Variants in LCLAT1 observed in about 807,000 individuals in gnomAD.
LCLAT1 encodes the protein lysocardiolipin acyltransferase 1.
In LCLAT1, 11 loss-of-function variants were observed where a neutral mutation model predicts 30.7. The observed-to-expected ratio is 0.36, with a 90% CI of 0.23 to 0.59. LCLAT1 has a LOEUF of 0.59. LCLAT1 is among the 20% of genes least tolerant of loss of function. LCLAT1 has a pLI of 0.77. For missense variants in LCLAT1, 402 were observed against 458.6 expected (o/e 0.88, Z 1.13); for synonymous variants, 155 against 151.3 (o/e 1.02, Z -0.18).
intron 1 of LCLAT1, among the ~76,000 whole-genome samples, chr2:30,509,573 C>CA (rs1684838764): frequency 6.7e-6 from 1 of 149,106 alleles, no homozygotes. Context: ...AAGCAGAATA[C>CA]TTTTTTTTTT....
chr2:30,501,514 CA>C (rs577946366), intron 1 of LCLAT1, among the ~76,000 whole-genome samples: 117 of 145,170 alleles, frequency 8.1e-4, no homozygotes, highest in Middle Eastern at 3.6e-3. Flanking sequence ...TCAAAAAATA[CA>C]AAAAAAAAAA....
intron 5 of LCLAT1, among the ~76,000 whole-genome samples, chr2:30,599,660 T>G (rs562135581): frequency 7.4e-6 from 1 of 134,278 alleles, no homozygotes; most frequent in Admixed American, 7.7e-5. Context: ...ATAGGATAGT[T>G]AGCTCTGCTT....
chr2:30,517,009 G>T (rs1287485588), intron 1 of LCLAT1, among the ~76,000 whole-genome samples: 1 of 152,116 alleles, frequency 6.6e-6, no homozygotes, highest in Admixed American at 6.5e-5. Context: ...TGAATTCCCG[G>T]CATTGGCCAG....
At chr2:30,604,628 C>CTCCAGCTTGGCGA (rs150844447) in intron 5 of LCLAT1, among the ~76,000 whole-genome samples, 1,554 of 143,380 alleles carry the variant, frequency 0.011, 34 homozygotes, top group African/African-American at 0.037. Flanking sequence ...TGCCACTGCA[C>CTCCAGCTTGGCGA]TCCAGCTTGG....
At chr2:30,630,812 A>T (rs1216039613) in intron 5 of LCLAT1, among the ~76,000 whole-genome samples, 1 of 152,240 alleles carries the variant, frequency 6.6e-6, no homozygotes, top group African/African-American at 2.4e-5. Flanking sequence ...GTACTTTGAA[A>T]TAAAGTATGA....
At chr2:30,517,955 G>A (rs527811165) in intron 1 of LCLAT1, among the ~76,000 whole-genome samples, 20 of 152,242 alleles carry the variant, frequency 1.3e-4, no homozygotes, top group South Asian at 6.2e-4. Context: ...CTGACAACCC[G>A]TAGCCTTCCT....
At chr2:30,635,013 C>T (rs1668956961) in intron 5 of LCLAT1, among the ~76,000 whole-genome samples, 1 of 152,334 alleles carries the variant, frequency 6.6e-6, no homozygotes, top group African/African-American at 2.4e-5. Context: ...TCTACCTGCA[C>T]AGAATTTGGC....
At chr2:30,504,887 A>G (rs1228951073) in intron 1 of LCLAT1, among the ~76,000 whole-genome samples, 2 of 152,126 alleles carry the variant, frequency 1.3e-5, no homozygotes, top group Non-Finnish European at 2.9e-5. Flanking sequence ...GTGCATTTGT[A>G]ATTATTTATA....
At chr2:30,500,507 T>A (rs541066318) in intron 1 of LCLAT1, among the ~76,000 whole-genome samples, 1 of 152,352 alleles carries the variant, frequency 6.6e-6, no homozygotes, top group East Asian at 1.9e-4. Flanking sequence ...GCTGCTGAAT[T>A]ATTTTTCTAA....
At position 30,460,820 on chromosome 2, in the gene LCLAT1, T is replaced by G. The variant is rs142113781; in HGVS notation, c.-5+13437T>G. On this transcript the variant is annotated intron_variant, in intron 1 of 5. Transcript: ENST00000379509. ...GTGACTAGATAGCAGAGCCCAGTCATCTGGCTAGTGATTTAATCACTGATG... is the reference window on the plus strand; with the variant it reads ...GTGACTAGATAGCAGAGCCCAGTCAGCTGGCTAGTGATTTAATCACTGATG... Among the ~76,000 whole-genome samples, 37 of 152,294 alleles carry G rather than the reference T, an allele frequency of 2.4e-4. 1 individual carries two copies. The East Asian group carries it at 6.6e-3, about 27-fold the overall frequency.
chr2:30,630,557 G>C (rs1016709495), intron 5 of LCLAT1, among the ~76,000 whole-genome samples: 4 of 152,116 alleles, frequency 2.6e-5, no homozygotes, highest in Non-Finnish European at 5.9e-5. Flanking sequence ...TGAATTCAGA[G>C]AAAGTATCAC....
rs573932385 is a variant in LCLAT1, at chr2:30,451,466, T to A, written c.-5+4083T>A. ...ATGTTAAAGAATGTTTATAGTGCCT[T>A]TATTCATAATCAAAAATTGGATATA... On this transcript the variant is annotated intron_variant, in intron 1 of 5. Coordinates refer to ENST00000379509, the MANE Select transcript of LCLAT1 (RefSeq NM_001002257.3). 3.9e-5 allele frequency among the ~76,000 whole-genome samples: 6 copies of A among 152,380 alleles called. No homozygotes were observed. The East Asian group carries it at 1.2e-3, about 29-fold the overall frequency.
chr2:30,492,300 G>A (rs1683875726), intron 1 of LCLAT1, among the ~76,000 whole-genome samples: 1 of 152,174 alleles, frequency 6.6e-6, no homozygotes, highest in African/African-American at 2.4e-5. Flanking sequence ...GATAGTTTGG[G>A]TAGGGTTACT....
intron 3 of LCLAT1, among the ~76,000 whole-genome samples, chr2:30,557,040 G>T (rs924556994): frequency 6.6e-6 from 1 of 151,856 alleles, no homozygotes; most frequent in African/African-American, 2.4e-5. Context: ...CACCATGCCC[G>T]GCCTAGAAAC....
At chr2:30,625,990 C>G (rs1668489939) in intron 5 of LCLAT1, among the ~76,000 whole-genome samples, 1 of 152,134 alleles carries the variant, frequency 6.6e-6, no homozygotes, top group Admixed American at 6.6e-5. Context: ...TTCTGTTCAC[C>G]CATGTACCCC....
chr2:30,484,672 AAT>A (rs1455601018), intron 1 of LCLAT1, among the ~76,000 whole-genome samples: 2 of 152,140 alleles, frequency 1.3e-5, no homozygotes, highest in African/African-American at 4.8e-5. Flanking sequence ...ACATTCTATA[AAT>A]GTTAGCCATC....
chr2:30,480,260 G>A (rs1216855840), intron 1 of LCLAT1, among the ~76,000 whole-genome samples: 1 of 152,140 alleles, frequency 6.6e-6, no homozygotes, highest in African/African-American at 2.4e-5. Context: ...TGTCCAGGGT[G>A]GAGTGCAGTG....
chr2:30,500,046 A>T (rs900538656), intron 1 of LCLAT1, among the ~76,000 whole-genome samples: 10 of 152,316 alleles, frequency 6.6e-5, no homozygotes, highest in Admixed American at 4.6e-4. Context: ...TTTTATATAA[A>T]GCCATTGTCT....
intron 1 of LCLAT1, among the ~76,000 whole-genome samples, chr2:30,469,440 A>G (rs1230641933): frequency 6.6e-6 from 1 of 152,076 alleles, no homozygotes. Flanking sequence ...GCATGTAGCT[A>G]TCCAGTAGTA....
Sources: gnomAD v4.1 joint callset for allele counts (sites outside exome capture counted in the v4.1 genomes callset) on GRCh38, gnomAD v4.1.1 for gene constraint, MANE v1.5 for transcripts, NCBI Gene and HGNC (gene_info 2026-07-23, HGNC 2026-07-21) for gene names.